The following HGSNAT variants were observed in gnomAD, a reference collection of about 807,000 sequenced individuals.
HGSNAT encodes transmembrane protein 76.
In HGSNAT, 59 loss-of-function variants were observed where a neutral mutation model predicts 85.2. The ratio of observed to expected loss-of-function variants is 0.69; its 90% confidence interval spans 0.56 to 0.86. The LOEUF is 0.86. HGSNAT is among the 40% of genes least tolerant of loss of function. The probability of loss-of-function intolerance (pLI) is 0.00; values close to 1 mark genes in which losing one functional copy is unlikely to be tolerated. For synonymous variants in HGSNAT, 321 were observed against 304.5 expected, an observed-to-expected ratio of 1.05 and a Z score of -0.56; for missense variants, 756 against 777.1, an observed-to-expected ratio of 0.97 and a Z score of 0.32.
chr8:43,177,948 T>G (rs1216770690), intron 9 of HGSNAT, 126 bp from the exon 10 acceptor site: 2 of 795,996 alleles, frequency 2.5e-6, no homozygotes, highest in Non-Finnish European at 4.3e-6. Flanking sequence ...CTCAGTATTA[T>G]TTCAGTAATT....
chr8:43,153,955 T>C (rs1337136358), intron 2 of HGSNAT, among the ~76,000 whole-genome samples: 1 of 152,224 alleles, frequency 6.6e-6, no homozygotes, highest in African/African-American at 2.4e-5. Context: ...GGTTGATGGA[T>C]AGTTAGGTTG....
intron 2 of HGSNAT, among the ~76,000 whole-genome samples, chr8:43,156,105 G>A (rs900234309): frequency 1.3e-5 from 2 of 152,238 alleles, no homozygotes; most frequent in African/African-American, 4.8e-5. Flanking sequence ...CTCCCAAAGT[G>A]CTGGGATTAC....
In HGSNAT at chr8:43,182,509, T is replaced by C. The variant is rs543164233; in HGVS notation, c.1128+249T>C. The C allele has an allele frequency of 1.2e-5, 6 of 495,060 alleles. No homozygotes were observed. In the South Asian group the frequency reaches 1.2e-4, roughly 10 times the overall value. The allele number at this position is 495,060 out of a possible 1,614,324, so 30.7% of individuals were successfully genotyped here. On this transcript the variant is annotated intron_variant, in intron 11 of 17. Coordinates refer to ENST00000379644, the MANE Select transcript of HGSNAT (RefSeq NM_152419.3). ...CCCAGGCTGGGGTGCAGTGGTGTGA[T>C]CTTGGCTCACTGAAGCCTCAACATC...
intron 11 of HGSNAT, among the ~76,000 whole-genome samples, chr8:43,186,313 G>C (rs1260445446): frequency 6.6e-6 from 1 of 152,162 alleles, no homozygotes; most frequent in Non-Finnish European, 1.5e-5. Flanking sequence ...TTCAATTTCA[G>C]AGCCTGTTAT....
intron 11 of HGSNAT, among the ~76,000 whole-genome samples, chr8:43,186,825 G>A (rs908353074): frequency 3.3e-5 from 5 of 152,194 alleles, no homozygotes; most frequent in Non-Finnish European, 2.9e-5. Flanking sequence ...GTGTCCTGGA[G>A]ATTCTGGTAT....
In HGSNAT at chr8:43,172,357, A is replaced by AT. The variant is rs1352193481; in HGVS notation, c.793dup (p.Trp265LeufsTer15). 6.2e-7 allele frequency: 1 copy of AT among 1,611,266 alleles called. No homozygotes were observed. Among genetic ancestry groups the AT allele is most frequent in the Non-Finnish European group, 8.5e-7 (1 of 1,177,518 alleles). On this transcript the variant is annotated frameshift_variant, in exon 8 of 18. Coordinates refer to ENST00000379644, the MANE Select transcript of HGSNAT (RefSeq NM_152419.3). LOFTEE classifies it high-confidence loss of function. ...TTTGTCAATTATGGAGGAGGAAAATATTGGTACTTCAAACATGCAAGTTGG... is the reference window on the plus strand; with the variant it reads ...TTTGTCAATTATGGAGGAGGAAAATATTTGGTACTTCAAACATGCAAGTTGG...
rs1479444245 is a variant in HGSNAT at position 43,200,356 on chromosome 8, A to C, written c.*787A>C. 2 of 152,102 alleles carry C rather than the reference A, an allele frequency of 1.3e-5. No individual in the cohort carries two copies. The highest frequency in any genetic ancestry group is 1.3e-4 in the Admixed American group (2 of 15,272). The allele number at this position is 152,102 out of a possible 1,614,324, so 9.4% of individuals were successfully genotyped here. A position where few individuals can be genotyped will look rare whatever the true frequency, so the allele number is the denominator to read the frequency against. ...CCAGCTGAGCCATCCCTGCTGGGTG[A>C]TGCTGGGCAAGACCCTTGGCCCGTC... On this transcript the variant is annotated 3_prime_UTR_variant, in exon 18 of 18. Transcript: ENST00000379644.
chr8:43,167,030 A>C (rs552071876), intron 5 of HGSNAT, among the ~76,000 whole-genome samples: 6 of 152,346 alleles, frequency 3.9e-5, no homozygotes, highest in African/African-American at 1.2e-4. Context: ...TAGAATTAGA[A>C]GTGAAGCCTG....
chr8:43,165,907 G>C (rs1461394886), intron 5 of HGSNAT, among the ~76,000 whole-genome samples: 3 of 152,194 alleles, frequency 2.0e-5, no homozygotes, highest in East Asian at 1.9e-4. Flanking sequence ...CTGTACTCCA[G>C]CCTAGGCAAA....
chr8:43,199,140 A>G (rs1043174620), intron 17 of HGSNAT, among the ~76,000 whole-genome samples: 1 of 152,162 alleles, frequency 6.6e-6, no homozygotes, highest in Non-Finnish European at 1.5e-5. Context: ...GCCTTAAGCG[A>G]TCCACCCGCT....
At chr8:43,163,279 A>G (rs1045266299) in intron 5 of HGSNAT, among the ~76,000 whole-genome samples, 2 of 152,146 alleles carry the variant, frequency 1.3e-5, no homozygotes, top group Non-Finnish European at 2.9e-5. Context: ...CTCTTTGCAC[A>G]TGATGCTGCC....
chr8:43,172,643 A>C (rs1803667260), intron 8 of HGSNAT, among the ~76,000 whole-genome samples: 1 of 152,154 alleles, frequency 6.6e-6, no homozygotes, highest in Non-Finnish European at 1.5e-5. Flanking sequence ...CTGCTGTGGG[A>C]CTGAGGGACT....
rs765484285 is a variant in HGSNAT, at chr8:43,199,731, C to T, written c.*162C>T. On this transcript the variant is annotated 3_prime_UTR_variant, in exon 18 of 18. Transcript: ENST00000379644. The stretch of plus-strand genomic sequence containing the variant: ...GTCCTCAAACTGGTTAACTGTGACA[C>T]GGCTCGCCAGAACTCTGCCTGTCTA... 29 of 440,202 alleles carry T rather than the reference C, an allele frequency of 6.6e-5. No homozygotes were observed. Among genetic ancestry groups the T allele is most frequent in the Non-Finnish European group, 9.7e-5 (25 of 257,514 alleles). The allele number at this position is 440,202 out of a possible 1,614,324, so 27.3% of individuals were successfully genotyped here. A position where few individuals can be genotyped will look rare whatever the true frequency, so the allele number is the denominator to read the frequency against.
intron 1 of HGSNAT, among the ~76,000 whole-genome samples, chr8:43,142,390 T>C (rs1802578799): frequency 6.6e-6 from 1 of 152,200 alleles, no homozygotes; most frequent in Admixed American, 6.5e-5. Context: ...TCAAGCTCAG[T>C]TTCGAGGTCA....
intron 2 of HGSNAT, among the ~76,000 whole-genome samples, chr8:43,152,632 A>G (rs1044391706): frequency 6.6e-6 from 1 of 152,002 alleles, no homozygotes; most frequent in Non-Finnish European, 1.5e-5. Flanking sequence ...TTATTTAAAA[A>G]TTTTTGTGGA....
rs2130807561 is a variant in HGSNAT at position 43,192,391 on chromosome 8, G to C, written c.1338G>C (p.Leu446=). Residue 446 remains leucine, a synonymous_variant, in exon 13 of 18, where the codon CTG becomes CTC. Transcript: ENST00000379644. ...GGAAGYIDRL[L]LGDDHLYQHP... ...CTGCAGGCTACATCGACCGCCTGCTGCTGGGAGACGATCACCTTTACCAGC... is the reference window on the plus strand; with the variant it reads ...CTGCAGGCTACATCGACCGCCTGCTCCTGGGAGACGATCACCTTTACCAGC... The C allele has an allele frequency of 1.7e-5, 28 of 1,613,378 alleles. No individual in the cohort carries two copies. The highest frequency in any genetic ancestry group is 1.7e-4 in the Middle Eastern group (1 of 5,992).
chr8:43,172,435 G>A (rs767664133), intron 8 of HGSNAT, 49 bp downstream of exon 8: 4 of 1,297,298 alleles, frequency 3.1e-6, no homozygotes, highest in South Asian at 1.2e-5. Context: ...CCTTCACAGA[G>A]CTTCAGGGCA....
chr8:43,197,900 C>T lies in HGSNAT; in HGVS notation c.1674C>T (p.Tyr558=), dbSNP rs1554537841. The part of the protein sequence containing the change: ...SFAFFILLVL[Y]PVVDVKGLWT... ...CCTTCTTCATCCTGCTGGTCCTGTA[C>T]CCAGTTGTGGATGTGAAGGGGCTGT... Residue 558 remains tyrosine, a synonymous_variant, in exon 17 of 18, where the codon TAC becomes TAT. Transcript: ENST00000379644. The T allele has an allele frequency of 1.2e-6, 2 of 1,613,964 alleles. No individual in the cohort carries two copies. Among genetic ancestry groups the T allele is most frequent in the Non-Finnish European group, 1.7e-6 (2 of 1,179,880 alleles).
At chr8:43,182,846 A>T (rs1401277877) in intron 11 of HGSNAT, among the ~76,000 whole-genome samples, 1 of 152,218 alleles carries the variant, frequency 6.6e-6, no homozygotes, top group Non-Finnish European at 1.5e-5. Flanking sequence ...AATCAAATAC[A>T]TTCTGATTTT....
Sources: allele counts gnomAD v4.1 joint callset (sites outside exome capture counted in the v4.1 genomes callset), GRCh38; gene constraint gnomAD v4.1.1; transcripts MANE v1.5; gene names NCBI Gene and HGNC (gene_info 2026-07-23, HGNC 2026-07-21).